PFKP: variants seen among roughly 807,000 people sequenced by gnomAD.
PFKP encodes ATP-dependent 6-phosphofructokinase, platelet type.
PFKP carries 101 observed loss-of-function variants against 94.3 expected under a neutral mutation model. The ratio of observed to expected loss-of-function variants is 1.07; its 90% CI spans 0.91 to 1.26. The LOEUF (loss-of-function observed/expected upper bound fraction) is 1.26. Among genes scored for constraint, PFKP ranks in the 50% most tolerant of loss-of-function variants. The pLI is 0.00. For missense variants in PFKP, 1,145 were observed against 1,103.3 expected, an observed-to-expected ratio of 1.04 and a Z score of -0.53; for synonymous variants, 573 against 432.6, an observed-to-expected ratio of 1.32 and a Z score of -4.03.
intron 16 of PFKP, among the ~76,000 whole-genome samples, chr10:3,123,400 C>G (rs896212381): frequency 2.6e-5 from 4 of 152,196 alleles, no homozygotes; most frequent in African/African-American, 9.7e-5. Context: ...CGTATTGAAG[C>G]TTCCCTTCCC....
At position 3,067,661 on chromosome 10, in the gene PFKP, G is replaced by C. The variant is rs764743989; in HGVS notation, c.66G>C (p.Gly22=). The C allele has an allele frequency of 2.0e-6, 3 of 1,533,400 alleles. No homozygotes were observed. The African/African-American group carries it at 4.2e-5, about 22-fold the overall frequency. 95.0% of individuals were successfully genotyped at this position (1,533,400 alleles called of 1,614,324 possible). Residue 22 remains glycine (G), a synonymous_variant, in exon 1 of 22, where the codon GGG becomes GGC. Transcript: ENST00000381125. ...SLRKFLEHLS[G]AGKAIGVLTS... ...GGAAGTTCCTGGAGCACCTCTCCGG[G>C]GCCGGCAAGGCCATCGGCGTGCTGA...
intron 16 of PFKP, among the ~76,000 whole-genome samples, chr10:3,127,052 G>T (rs1277041495): frequency 6.6e-6 from 1 of 152,268 alleles, no homozygotes; most frequent in Non-Finnish European, 1.5e-5. Flanking sequence ...AGGCAGGGCC[G>T]CGCTTGGGAT....
At chr10:3,077,593 C>T (rs1233717391) in intron 1 of PFKP, among the ~76,000 whole-genome samples, 2 of 151,396 alleles carry the variant, frequency 1.3e-5, no homozygotes, top group East Asian at 3.9e-4. Context: ...AAAAAAAATG[C>T]AATTTAGATT....
intron 2 of PFKP, among the ~76,000 whole-genome samples, chr10:3,093,746 C>G (rs1834247415): frequency 6.7e-6 from 1 of 149,686 alleles, no homozygotes; most frequent in African/African-American, 2.5e-5. Context: ...CAGGTTCACG[C>G]CATTCTCCCG....
rs1027439692 is a variant in PFKP, at chr10:3,111,210, TTG to T, written c.1090-1001_1090-1000del. 4.6e-5 allele frequency among the ~76,000 whole-genome samples: 7 copies of T among 151,772 alleles called. No individual in the cohort carries two copies. In the South Asian group the frequency reaches 1.0e-3, roughly 23 times the overall value. ...TGAGAGGTAGTATGTGCCTGCATGT[TTG>T]TGTGTGTGTGCAGGTATGTTTCTAT... On this transcript the variant is annotated intron_variant, in intron 10 of 21. Transcript: ENST00000381125.
intron 2 of PFKP, among the ~76,000 whole-genome samples, chr10:3,084,545 T>C (rs989553146): frequency 6.6e-6 from 1 of 152,122 alleles, no homozygotes; most frequent in African/African-American, 2.4e-5. Context: ...GCTGTAGCAT[T>C]CCCAGGCTGT....
chr10:3,111,146 G>T (rs1455186085), intron 10 of PFKP, among the ~76,000 whole-genome samples: 1 of 152,140 alleles, frequency 6.6e-6, no homozygotes, highest in Admixed American at 6.5e-5. Flanking sequence ...GTGCATGTCT[G>T]TGTGTGCATG....
rs1326561430 is a variant in PFKP at position 3,084,854 on chromosome 10, CCCAGCACGGTCCCCCACTCCACTCT to C, written c.186+2435_186+2459del. On this transcript the variant is annotated intron_variant, in intron 2 of 21. Transcript: ENST00000381125. Reference sequence around the variant, plus strand: ...CCCAAGCACAGTCCTCCACCCCCTCCCCAGCACGGTCCCCCACTCCACTCTCCAGCACGGTCCCCCACTCCACTCT... The same window carrying C: ...CCCAAGCACAGTCCTCCACCCCCTCCCCAGCACGGTCCCCCACTCCACTCT... 2.3e-3 allele frequency among the ~76,000 whole-genome samples: 244 copies of C among 106,724 alleles called. 22 individuals are homozygous for C. Among genetic ancestry groups the C allele is most frequent in the African/African-American group, 7.4e-3 (220 of 29,618 alleles). 70.0% of individuals were successfully genotyped at this position (106,724 alleles called of 152,430 possible). A position where few individuals can be genotyped will look rare whatever the true frequency, so the allele number is the denominator to read the frequency against.
intron 14 of PFKP, among the ~76,000 whole-genome samples, chr10:3,117,155 T>C (rs187432495): frequency 4.6e-4 from 70 of 152,072 alleles, no homozygotes; most frequent in African/African-American, 1.6e-3. Context: ...TAAAGATGAG[T>C]GGTGTCACGG....
chr10:3,107,255 T>C lies in PFKP; in HGVS notation c.816T>C (p.Ala272=), dbSNP rs1429551650. Residue 272 remains alanine, a synonymous_variant, in exon 8 of 22, where the codon GCT becomes GCC. Coordinates refer to ENST00000381125, the MANE Select transcript of PFKP (RefSeq NM_002627.5). ...RKKRLNIIIV[A]EGAIDTQNKP... is the part of the protein sequence containing the mutation. Reference sequence around the variant, plus strand: ...AAAGGCTGAATATTATTATTGTGGCTGAAGGAGCAATTGATACCCAAAATA... The same window carrying C: ...AAAGGCTGAATATTATTATTGTGGCCGAAGGAGCAATTGATACCCAAAATA... The C allele has an allele frequency of 6.2e-7, 1 of 1,612,720 alleles. No homozygotes were observed. The highest frequency in any genetic ancestry group is 8.5e-7 in the Non-Finnish European group (1 of 1,179,178).
At chr10:3,092,972 G>T (rs1034070294) in intron 2 of PFKP, among the ~76,000 whole-genome samples, 7 of 150,606 alleles carry the variant, frequency 4.6e-5, no homozygotes, top group Non-Finnish European at 8.9e-5. Flanking sequence ...TGTGTGGATG[G>T]GGGTAGGGGG....
intron 2 of PFKP, among the ~76,000 whole-genome samples, chr10:3,083,089 TATTG>T (rs1242577916): frequency 5.9e-5 from 9 of 152,234 alleles, no homozygotes; most frequent in East Asian, 1.9e-4. Context: ...TAATTGGTTG[TATTG>T]GTTGGTTGGT....
rs151286694 is a variant in PFKP at position 3,100,969 on chromosome 10, G to A, written c.265-396G>A. 2,117 of 1,611,524 alleles carry A rather than the reference G, an allele frequency of 1.3e-3. 20 individuals are homozygous for A. In the African/African-American group the frequency reaches 0.024, roughly 19 times the overall value. Reference sequence around the variant, plus strand: ...GAGAAGCCTGGCTGCTGGTCACACCGCTTCCCTTGTCCTGGCCGGCATGCT... The same window carrying A: ...GAGAAGCCTGGCTGCTGGTCACACCACTTCCCTTGTCCTGGCCGGCATGCT... On this transcript the variant is annotated intron_variant, in intron 3 of 21. Coordinates refer to ENST00000381125, the MANE Select transcript of PFKP (RefSeq NM_002627.5).
intron 16 of PFKP, among the ~76,000 whole-genome samples, chr10:3,126,746 T>A (rs993997300): frequency 6.6e-6 from 1 of 152,244 alleles, no homozygotes; most frequent in African/African-American, 2.4e-5. Context: ...CCAATTTATA[T>A]TTCTTAACAC....
chr10:3,116,917 C>T (rs775297895), intron 14 of PFKP, 71 bp downstream of exon 14: 42 of 1,191,392 alleles, frequency 3.5e-5, no homozygotes, highest in Middle Eastern at 1.9e-4. Context: ...GGGAGAGAAT[C>T]GCTGGGTGCC....
chr10:3,099,130 G>A, intron 2 of PFKP, 145 bp from the exon 3 acceptor site: 2 of 673,534 alleles, frequency 3.0e-6, no homozygotes, highest in Non-Finnish European at 5.3e-6. Context: ...CTTTTATCCA[G>A]TGCTGGAACT....
intron 19 of PFKP, among the ~76,000 whole-genome samples, chr10:3,133,901 C>T (rs1423711271): frequency 6.6e-6 from 1 of 152,326 alleles, no homozygotes; most frequent in South Asian, 2.1e-4. Flanking sequence ...AAGTTAAAAA[C>T]TGGAGCTTCC....
At chr10:3,116,551 G>A (rs765662812) in intron 13 of PFKP, among the ~76,000 whole-genome samples, 2 of 152,200 alleles carry the variant, frequency 1.3e-5, no homozygotes, top group African/African-American at 2.4e-5. Context: ...GGCCCCGACA[G>A]GCAGGGAGAA....
chr10:3,104,056 C>A, intron 5 of PFKP, 112 bp downstream of exon 5: 2 of 951,214 alleles, frequency 2.1e-6, no homozygotes, highest in Non-Finnish European at 3.1e-6. Context: ...TGGTGCTGGT[C>A]TCGTAACTTG....
Sources: allele counts gnomAD v4.1 joint callset (sites outside exome capture counted in the v4.1 genomes callset), GRCh38; gene constraint gnomAD v4.1.1; transcripts MANE v1.5; gene names NCBI Gene and HGNC (gene_info 2026-07-23, HGNC 2026-07-21).